Variants in FOXJ3 observed in about 807,000 individuals in gnomAD.
FOXJ3 encodes forkhead box J3.
FOXJ3 carries 22 observed loss-of-function variants against 76.1 expected under a neutral mutation model. The observed-to-expected ratio is 0.29, with a 90% CI of 0.21 to 0.41. FOXJ3 has a LOEUF of 0.41. Ranked by LOEUF, FOXJ3 falls within the 10% of genes least tolerant of loss-of-function variation. The pLI is 1.00. For missense variants in FOXJ3, 613 were observed against 762.1 expected (o/e 0.80, Z 2.30); for synonymous variants, 269 against 261.2 (o/e 1.03, Z -0.29).
At chr1:42,280,624 T>C (rs567506957) in intron 2 of FOXJ3, among the ~76,000 whole-genome samples, 2 of 152,072 alleles carry the variant, frequency 1.3e-5, no homozygotes, top group East Asian at 1.9e-4. Flanking sequence ...CCTTCAGTAA[T>C]GAAAAACTGC....
intron 1 of FOXJ3, among the ~76,000 whole-genome samples, chr1:42,326,895 C>T (rs928111325): frequency 6.6e-6 from 1 of 152,076 alleles, no homozygotes; most frequent in African/African-American, 2.4e-5. Context: ...GAGTAAGAAA[C>T]AAGGAGAATG....
At chr1:42,310,379 C>T (rs946459153) in intron 2 of FOXJ3, among the ~76,000 whole-genome samples, 1 of 151,588 alleles carries the variant, frequency 6.6e-6, no homozygotes, top group African/African-American at 2.4e-5. Context: ...TTCTTGACCT[C>T]GTGATCCGCC....
chr1:42,257,072 A>C (rs544296887), intron 4 of FOXJ3, among the ~76,000 whole-genome samples: 175 of 152,362 alleles, frequency 1.1e-3, no homozygotes, highest in African/African-American at 4.0e-3. Context: ...GCTTATTTTG[A>C]GGATCAAGAT....
At chr1:42,257,747 A>AAG (rs1427052374) in intron 4 of FOXJ3, among the ~76,000 whole-genome samples, 4 of 151,370 alleles carry the variant, frequency 2.6e-5, no homozygotes, top group East Asian at 3.9e-4. Context: ...CAAAAAAAAA[A>AAG]AAAGAAAGAA....
intron 2 of FOXJ3, among the ~76,000 whole-genome samples, chr1:42,284,601 G>A (rs1253334231): frequency 6.6e-6 from 1 of 152,206 alleles, no homozygotes; most frequent in Non-Finnish European, 1.5e-5. Context: ...TGAGGTAGGT[G>A]AGTGTACCTA....
intron 4 of FOXJ3, among the ~76,000 whole-genome samples, chr1:42,260,057 A>G (rs2124610334): frequency 6.6e-6 from 1 of 152,340 alleles, no homozygotes; most frequent in South Asian, 2.1e-4. Context: ...TTTAGTTTGT[A>G]CAGAAACACA....
intron 2 of FOXJ3, among the ~76,000 whole-genome samples, chr1:42,303,982 T>C (rs1208651549): frequency 2.0e-5 from 3 of 152,070 alleles, no homozygotes; most frequent in African/African-American, 7.2e-5. Context: ...GAGGTCCAAA[T>C]TATCCTTGTT....
At position 42,179,126 on chromosome 1, in the gene FOXJ3, G is replaced by C. The variant is rs963748514; in HGVS notation, c.*584C>G. ...GATTGTTGGAGTGTGTCAAATTCTG[G>C]TTTCCTTGACTTATTAGATAGAATT... On this transcript the variant is annotated 3_prime_UTR_variant, in exon 13 of 13. Transcript: ENST00000361346. 1 of 152,466 alleles carries C rather than the reference G, an allele frequency of 6.6e-6. No individual in the cohort carries two copies. Among genetic ancestry groups the C allele is most frequent in the African/African-American group, 2.4e-5 (1 of 41,388 alleles). 9.4% of individuals were successfully genotyped at this position (152,466 alleles called of 1,614,324 possible). A position where few individuals can be genotyped will look rare whatever the true frequency, so the allele number is the denominator to read the frequency against.
In FOXJ3 at chr1:42,178,002, A is replaced by T. The variant is rs544804350; in HGVS notation, c.*1708T>A. 6.6e-6 allele frequency: 1 copy of T among 152,542 alleles called. No homozygotes were observed. The highest frequency in any genetic ancestry group is 1.5e-5 in the Non-Finnish European group (1 of 68,038). 9.4% of individuals were successfully genotyped at this position (152,542 alleles called of 1,614,324 possible). On this transcript the variant is annotated 3_prime_UTR_variant, in exon 13 of 13. Transcript: ENST00000361346. ...CACTTTTTGGGGGGTCTAAAGAATC[A>T]ATTCAAAATCTATTCATTAAAAAAA...
chr1:42,250,266 T>C (rs74443457), intron 4 of FOXJ3, among the ~76,000 whole-genome samples: 1,898 of 152,270 alleles, frequency 0.012, 34 homozygotes, highest in African/African-American at 0.043. Context: ...AAAACCAGGA[T>C]CTGAAAAGAT....
At position 42,199,187 on chromosome 1, in the gene FOXJ3, C is replaced by A. The variant is rs146466322; in HGVS notation, c.674G>T (p.Arg225Leu). The A allele has an allele frequency of 3.1e-6, 5 of 1,612,402 alleles. No homozygotes were observed. Among genetic ancestry groups the A allele is most frequent in the Non-Finnish European group, 4.2e-6 (5 of 1,178,624 alleles). The part of the protein sequence containing the change: ...NTDQDGSDSP[R>L]SSLNNSLSDQ... ...TGAGAGACTGTTGTTAAGGCTACTGCGTGGGCTATCACTACCATCCTGATC... is the reference window on the plus strand; with the variant it reads ...TGAGAGACTGTTGTTAAGGCTACTGAGTGGGCTATCACTACCATCCTGATC... Residue 225 changes from arginine to leucine, a missense_variant, in exon 7 of 13, where the codon CGC (arginine) becomes CTC (leucine). Arg to Leu is a moderately radical substitution (Grantham distance 102). Around this residue, in one of 3 missense-constraint regions of FOXJ3, gnomAD observed 526 missense variants for 601.4 expected, o/e 0.87. Transcript: ENST00000361346.
intron 2 of FOXJ3, among the ~76,000 whole-genome samples, chr1:42,293,797 A>G (rs867810399): frequency 6.6e-6 from 1 of 152,156 alleles, no homozygotes; most frequent in African/African-American, 2.4e-5. Flanking sequence ...TAGCTGATAC[A>G]TCATTTTGCA....
At chr1:42,254,543 T>C (rs1369257192) in intron 4 of FOXJ3, among the ~76,000 whole-genome samples, 3 of 147,926 alleles carry the variant, frequency 2.0e-5, no homozygotes, top group Admixed American at 2.0e-4. Flanking sequence ...CTATTCACAA[T>C]AGCAAAGACT....
chr1:42,210,187 G>A (rs755924245), intron 5 of FOXJ3, among the ~76,000 whole-genome samples: 1 of 152,172 alleles, frequency 6.6e-6, no homozygotes, highest in Non-Finnish European at 1.5e-5. Context: ...GCTCCACCCT[G>A]TAACACTATC....
intron 1 of FOXJ3, among the ~76,000 whole-genome samples, chr1:42,319,170 C>T (rs1393354973): frequency 6.6e-6 from 1 of 152,144 alleles, no homozygotes; most frequent in Non-Finnish European, 1.5e-5. Context: ...GTGGAGGCTG[C>T]AGTGAGCTGT....
chr1:42,276,190 T>C (rs1213091929), intron 3 of FOXJ3, among the ~76,000 whole-genome samples: 2 of 152,050 alleles, frequency 1.3e-5, no homozygotes, highest in Non-Finnish European at 2.9e-5. Flanking sequence ...ACCCTGTCTC[T>C]ACTAAAAATA....
chr1:42,237,274 C>A (rs1648722831), intron 4 of FOXJ3, among the ~76,000 whole-genome samples: 1 of 151,776 alleles, frequency 6.6e-6, no homozygotes, highest in Admixed American at 6.6e-5. Flanking sequence ...ACTCTGGAGG[C>A]TGAGGCAGGA....
rs557682871 is a variant in FOXJ3, at chr1:42,220,684, T to G, written c.528+7199A>C. ...CATCCCACTCGTTGGCCTGCAGTTC[T>G]AAACTGCCTCCCGGAGTCCCCAATG... On this transcript the variant is annotated intron_variant, in intron 5 of 12. Coordinates refer to ENST00000361346, the MANE Select transcript of FOXJ3 (RefSeq NM_014947.5). 2.0e-5 allele frequency among the ~76,000 whole-genome samples: 3 copies of G among 152,346 alleles called. No individual in the cohort carries two copies. The South Asian group carries it at 6.2e-4, about 32-fold the overall frequency.
chr1:42,200,005 C>CAAAAA (rs11355641), intron 6 of FOXJ3, among the ~76,000 whole-genome samples: 4 of 76,072 alleles, frequency 5.3e-5, no homozygotes, highest in African/African-American at 5.5e-5. Context: ...GACTCTGTCT[C>CAAAAA]AAAAAAAAAA....
Sources: gnomAD v4.1 joint callset for allele counts (sites outside exome capture counted in the v4.1 genomes callset) on GRCh38, gnomAD v4.1.1 for gene constraint, gnomAD v4.1.1 regional missense constraint, MANE v1.5 for transcripts, NCBI Gene and HGNC (gene_info 2026-07-23, HGNC 2026-07-21) for gene names.